POM121: variants seen among roughly 807,000 people sequenced by gnomAD.
POM121 encodes nuclear envelope pore membrane protein POM 121.
Under a neutral mutation model 81.3 loss-of-function variants are expected in POM121, and 32 were observed. That is an observed-to-expected ratio of 0.39 (90% CI 0.30 to 0.53). The LOEUF (loss-of-function observed/expected upper bound fraction) is 0.53. Among genes scored for constraint, POM121 ranks in the 20% least tolerant of loss-of-function variants. POM121 has a pLI of 0.66. For synonymous variants in POM121, 514 were observed against 694.2 expected (o/e 0.74, Z 4.08); for missense variants, 1,138 against 1,614.6 (o/e 0.70, Z 5.06).
Position 72,926,913 on chromosome 7 carries a change from A to G in POM121, c.972A>G (p.Thr324=). The G allele has an allele frequency of 6.2e-7, 1 of 1,614,028 alleles. No individual in the cohort carries two copies. The highest frequency in any genetic ancestry group is 8.5e-7 in the Non-Finnish European group (1 of 1,179,870). The change falls in exon 3 of 13, where the codon ACA becomes ACG. Residue 324 remains threonine (T), a synonymous_variant. Coordinates refer to ENST00000434423, the MANE Select transcript of POM121 (RefSeq NM_001387691.1). Reference sequence around the variant, plus strand: ...TCAAAGAGAAGGAGAAGAAAAGGACAGTGGAGGAAGAAGACCAAATATTCC... The same window carrying G: ...TCAAAGAGAAGGAGAAGAAAAGGACGGTGGAGGAAGAAGACCAAATATTCC... The part of the protein sequence containing the change: ...SALKEKEKKR[T]VEEEDQIFLD...
chr7:72,890,707 A>G (rs1791219166), exon 2 of POM121: 37 of 1,601,958 alleles, frequency 2.3e-5, no homozygotes, highest in South Asian at 9.9e-5. Context: ...AGAAGATAAC[A>G]TACGGGGATG....
At chr7:72,923,419 C>T (rs1795014175), upstream of POM121, among the ~76,000 whole-genome samples, 1 of 151,982 alleles carries the variant, frequency 6.6e-6, no homozygotes, top group African/African-American at 2.4e-5. Flanking sequence ...TCCCCTTTAT[C>T]ATAACTTTTT....
chr7:72,880,969 CTATT>C, intron 1 of POM121, among the ~76,000 whole-genome samples: 1 of 104,694 alleles, frequency 9.6e-6, no homozygotes, highest in Non-Finnish European at 2.2e-5. Context: ...TGATGGCAGA[CTATT>C]TGTAAAAGGA....
In POM121 at chr7:72,890,965, A is replaced by T. The variant is rs1284511769; in HGVS notation, c.-361A>T. On this transcript the variant is annotated 5_prime_UTR_variant, in exon 3 of 16. Coordinates refer to the POM121 transcript ENST00000395270. Reference sequence around the variant, plus strand: ...GGTGGCAACATCTTGTACTTCGGAGATCTGAAGCCGAGCAACTTGCCCAAG... The same window carrying T: ...GGTGGCAACATCTTGTACTTCGGAGTTCTGAAGCCGAGCAACTTGCCCAAG... The T allele has an allele frequency of 1.3e-5, 17 of 1,348,570 alleles. No individual in the cohort carries two copies. In the Middle Eastern group the frequency reaches 1.7e-3, roughly 132 times the overall value. The allele number at this position is 1,348,570 out of a possible 1,614,324, so 83.5% of individuals were successfully genotyped here.
At chr7:72,900,289 C>T (rs1792470916) in intron 3 of POM121, among the ~76,000 whole-genome samples, 1 of 151,366 alleles carries the variant, frequency 6.6e-6, no homozygotes, top group African/African-American at 2.4e-5. Context: ...TATTTAATCT[C>T]ATTTTGATGC....
chr7:72,912,568 A>G (rs1793905767), intron 3 of POM121, among the ~76,000 whole-genome samples: 1 of 152,092 alleles, frequency 6.6e-6, no homozygotes, highest in Non-Finnish European at 1.5e-5. Flanking sequence ...TGAAGTCAGG[A>G]GATCGAGACC....
At chr7:72,904,981 A>G (rs1408110968) in intron 3 of POM121, among the ~76,000 whole-genome samples, 1 of 152,130 alleles carries the variant, frequency 6.6e-6, no homozygotes, top group Non-Finnish European at 1.5e-5. Context: ...TGATCCAATC[A>G]CCTTCCACCA....
chr7:72,909,514 C>T (rs1193520661), intron 3 of POM121, among the ~76,000 whole-genome samples: 1 of 152,348 alleles, frequency 6.6e-6, no homozygotes, highest in Non-Finnish European at 1.5e-5. Context: ...TATTAGCAGG[C>T]ACTCAACCTG....
At chr7:72,900,244 G>A (rs184488618) in intron 3 of POM121, among the ~76,000 whole-genome samples, 1 of 152,286 alleles carries the variant, frequency 6.6e-6, no homozygotes, top group African/African-American at 2.4e-5. Context: ...TATAAAAAAT[G>A]AGGGTGGGAG....
rs1586048523 is a variant in POM121, at chr7:72,880,081, C to A, written c.-521+196C>A. On this transcript the variant is annotated intron_variant, in intron 1 of 15. Coordinates refer to the POM121 transcript ENST00000395270. ...TCTGGGAGGACAAGGCTTACGGAAG[C>A]GTGGAGGGTGTCACCACCCTCAGCT... Among the ~76,000 whole-genome samples, 5 of 152,330 alleles carry A rather than the reference C, an allele frequency of 3.3e-5. No homozygotes were observed. The South Asian group carries it at 1.0e-3, about 32-fold the overall frequency.
At position 72,939,337 on chromosome 7, in the gene POM121, G is replaced by A. The variant is rs781985470; in HGVS notation, c.1369G>A (p.Glu457Lys). 2 of 1,613,790 alleles carry A rather than the reference G, an allele frequency of 1.2e-6. No homozygotes were observed. The highest frequency in any genetic ancestry group is 2.2e-5 in the South Asian group (2 of 91,058). The change falls in exon 7 of 13, where the codon GAA becomes AAA. Residue 457 changes from glutamate (E) to lysine (K), a missense_variant and splice_region_variant. By Grantham distance (56) the Glu-to-Lys change is moderately conservative. Coordinates refer to ENST00000434423, the MANE Select transcript of POM121 (RefSeq NM_001387691.1). ...AAATTGTTCCTTTTTTCCTGACAGA[G>A]AAGAGGAGCTGTGTCATCATTCCAG... ...TPERPAKKIREEELCHHSSSS... is the reference protein window; with the variant it reads ...TPERPAKKIRKEELCHHSSSS...
chr7:72,949,364 G>A (rs1478236828), downstream of POM121: 11 of 830,588 alleles, frequency 1.3e-5, no homozygotes, highest in Non-Finnish European at 2.2e-5. Context: ...TCACGATAGC[G>A]CGGATCTAAG....
chr7:72,903,798 T>G (rs1298661984), intron 3 of POM121, among the ~76,000 whole-genome samples: 1 of 152,222 alleles, frequency 6.6e-6, no homozygotes, highest in Non-Finnish European at 1.5e-5. Flanking sequence ...TATTTATTTT[T>G]TAAGATAGAG....
chr7:72,880,714 C>A (rs1301525447), intron 1 of POM121, among the ~76,000 whole-genome samples: 1 of 150,726 alleles, frequency 6.6e-6, no homozygotes, highest in Non-Finnish European at 1.5e-5. Flanking sequence ...CATGGGGAGA[C>A]CCTGACTACA....
At chr7:72,950,404 A>C (rs1487056422), downstream of POM121, 1 of 582,838 alleles carries the variant, frequency 1.7e-6, no homozygotes, top group South Asian at 2.0e-5. Flanking sequence ...CAGCAGTGGG[A>C]GCCTGGGCAA....
At chr7:72,930,133 T>C (rs782272302) in intron 5 of POM121, 22 bp downstream of exon 5, 6 of 1,584,348 alleles carry the variant, frequency 3.8e-6, no homozygotes, top group South Asian at 1.1e-5. Flanking sequence ...GCTCTTTTAA[T>C]GTGGGGGACA....
At chr7:72,907,650 G>A (rs1333904860) in intron 3 of POM121, among the ~76,000 whole-genome samples, 1 of 151,948 alleles carries the variant, frequency 6.6e-6, no homozygotes, top group African/African-American at 2.4e-5. Context: ...AGCTGGGATT[G>A]CAGGCATGCA....
chr7:72,948,804 C>T (rs781985762), downstream of POM121: 7 of 1,551,834 alleles, frequency 4.5e-6, no homozygotes, highest in East Asian at 1.3e-4. Context: ...AGGGCGGGAG[C>T]TAGCCTGCAA....
At chr7:72,923,158 C>T (rs1360360621), upstream of POM121, among the ~76,000 whole-genome samples, 1 of 136,258 alleles carries the variant, frequency 7.3e-6, no homozygotes, top group Non-Finnish European at 1.6e-5. Context: ...TGTGAAATCG[C>T]AGTATATTAA....
Sources: gnomAD v4.1 joint callset for allele counts (sites outside exome capture counted in the v4.1 genomes callset) on GRCh38, gnomAD v4.1.1 for gene constraint, MANE v1.5 for transcripts, NCBI Gene and HGNC (gene_info 2026-07-23, HGNC 2026-07-21) for gene names.